Variants in IGSF5 observed in about 807,000 individuals in gnomAD.
IGSF5 encodes immunoglobulin superfamily member 5.
In IGSF5, 41 loss-of-function variants were observed where a neutral mutation model predicts 39.4. The ratio of observed to expected loss-of-function variants is 1.04; its 90% CI spans 0.81 to 1.35. IGSF5 has a LOEUF of 1.35. IGSF5 is among the 40% of genes most tolerant of loss of function. The pLI is 0.00. For missense variants in IGSF5, 487 were observed against 494.6 expected (o/e 0.98, Z 0.15); for synonymous variants, 183 against 175.3 (o/e 1.04, Z -0.34).
intron 2 of IGSF5, chr21:39,751,502 C>T (rs1180429060): frequency 6.6e-6 from 1 of 152,066 alleles, no homozygotes; most frequent in Non-Finnish European, 1.5e-5. Flanking sequence ...AAACTACAAG[C>T]GTGGGCTTCT....
At position 39,779,232 on chromosome 21, in the gene IGSF5, C is replaced by T. The variant is rs760398900; in HGVS notation, c.861C>T (p.Cys287=). ...LTPTCTLTIR[C]CCCRRRCCGC... is the part of the protein sequence containing the mutation. ...CGACGTGTACTCTTACAATACGCTG[C>T]TGCTGCTGCCGCCGTCGTTGTTGTG... is the stretch of plus-strand genomic sequence containing the variant. The change falls in exon 5 of 9, where the codon TGC becomes TGT. Residue 287 remains cysteine, a synonymous_variant. Transcript: ENST00000380588. The T allele has an allele frequency of 6.8e-6, 11 of 1,613,786 alleles. No homozygotes were observed. The highest frequency in any genetic ancestry group is 4.0e-5 in the African/African-American group (3 of 74,908).
At chr21:39,792,223 AAATT>A (rs1488683898) in intron 7 of IGSF5, 124 bp downstream of exon 7, 2 of 611,124 alleles carry the variant, frequency 3.3e-6, no homozygotes, top group Admixed American at 3.0e-5. Context: ...TTTTTTGGAT[AAATT>A]TTAGAAGAAG....
the IGSF5 span, among the ~76,000 whole-genome samples, chr21:39,721,736 A>C: frequency 6.9e-6 from 1 of 145,282 alleles, no homozygotes; most frequent in East Asian, 2.0e-4. Flanking sequence ...CCACCCACCC[A>C]TCCATTCATT....
intron 2 of IGSF5, among the ~76,000 whole-genome samples, chr21:39,758,789 G>T (rs1175526782): frequency 2.0e-5 from 3 of 152,174 alleles, no homozygotes; most frequent in African/African-American, 7.2e-5. Flanking sequence ...GGTTTGTTTA[G>T]TTTCCATTGC....
intron 8 of IGSF5, among the ~76,000 whole-genome samples, chr21:39,798,306 C>T (rs1429695712): frequency 1.3e-5 from 2 of 152,222 alleles, no homozygotes; most frequent in Non-Finnish European, 1.5e-5. Context: ...GGGTACTCAG[C>T]AATTCTGCTT....
chr21:39,791,699 G>C (rs2086966370), intron 6 of IGSF5: 1 of 268,586 alleles, frequency 3.7e-6, no homozygotes, highest in South Asian at 1.0e-4. Flanking sequence ...GTCAGATTTG[G>C]CCTGTGGGTC....
chr21:39,778,327 A>C (rs973020312), intron 4 of IGSF5, among the ~76,000 whole-genome samples: 1 of 152,170 alleles, frequency 6.6e-6, no homozygotes, highest in Non-Finnish European at 1.5e-5. Context: ...TGATCATGTG[A>C]AGCCACAACA....
the IGSF5 span, among the ~76,000 whole-genome samples, chr21:39,731,933 C>T: frequency 1.2e-4 from 19 of 152,180 alleles, no homozygotes; most frequent in African/African-American, 2.9e-4. Flanking sequence ...ATTCTAGGTT[C>T]GGGCTGCAAA....
Position 39,771,235 on chromosome 21 carries a change from T to A in IGSF5, c.718+20T>A. On this transcript the variant is annotated intron_variant, in intron 4 of 8. Coordinates refer to ENST00000380588, the MANE Select transcript of IGSF5 (RefSeq NM_001080444.2). ...CCCAAGGTAAGTGAAGACATTCTGCTTTATATGAAATGAATGATTATTTCA... is the reference window on the plus strand; with the variant it reads ...CCCAAGGTAAGTGAAGACATTCTGCATTATATGAAATGAATGATTATTTCA... 1 of 1,511,682 alleles carries A rather than the reference T, an allele frequency of 6.6e-7. No homozygotes were observed. Among genetic ancestry groups the A allele is most frequent in the Non-Finnish European group, 8.9e-7 (1 of 1,126,882 alleles). The allele number at this position is 1,511,682 out of a possible 1,614,324, so 93.6% of individuals were successfully genotyped here.
chr21:39,762,760 C>A (rs1077591), intron 2 of IGSF5, among the ~76,000 whole-genome samples: 15 of 151,506 alleles, frequency 9.9e-5, no homozygotes, highest in African/African-American at 2.7e-4. Context: ...AAAGCAGCCC[C>A]CACTATATAG....
At chr21:39,783,978 G>A (rs533010578) in intron 5 of IGSF5, among the ~76,000 whole-genome samples, 3 of 152,208 alleles carry the variant, frequency 2.0e-5, no homozygotes, top group East Asian at 3.9e-4. Flanking sequence ...TCTCAGCACC[G>A]TGTATTGAAG....
At chr21:39,746,097 A>G (rs1614870) in intron 1 of IGSF5, 119 bp from the exon 2 acceptor site, 556,668 of 677,386 alleles carry the variant, frequency 0.82, 229,826 homozygotes, top group Admixed American at 0.88. Context: ...GGAGAGAACC[A>G]TGGAAGCCAG....
intron 2 of IGSF5, among the ~76,000 whole-genome samples, chr21:39,754,333 T>C (rs62235541): frequency 0.23 from 34,968 of 152,206 alleles, 4,763 homozygotes; most frequent in Non-Finnish European, 0.32. Flanking sequence ...TTCTGGCTTA[T>C]AAGGCTTCTG....
At chr21:39,751,074 G>A (rs1419432953) in intron 2 of IGSF5, 2 of 152,826 alleles carry the variant, frequency 1.3e-5, no homozygotes, top group Non-Finnish European at 2.9e-5. Context: ...GATGATTAAT[G>A]AGGAAATACG....
chr21:39,791,271 C>G (rs1033599226), intron 6 of IGSF5, among the ~76,000 whole-genome samples: 2 of 152,194 alleles, frequency 1.3e-5, no homozygotes, highest in African/African-American at 4.8e-5. Context: ...TTTACTAGTC[C>G]TCCCTGATTG....
intron 6 of IGSF5, 112 bp downstream of exon 6, chr21:39,788,300 C>A (rs2086936534): frequency 1.2e-6 from 1 of 807,720 alleles, no homozygotes; most frequent in Non-Finnish European, 2.0e-6. Context: ...TTTATGTTAT[C>A]CAGAATTAAG....
intron 6 of IGSF5, among the ~76,000 whole-genome samples, chr21:39,788,701 G>A (rs2837219): frequency 0.26 from 39,535 of 152,128 alleles, 6,546 homozygotes; most frequent in East Asian, 0.47. Flanking sequence ...TTCATTCCCA[G>A]GCTGCCCAGA....
the IGSF5 span, among the ~76,000 whole-genome samples, chr21:39,737,933 A>G: frequency 2.0e-5 from 3 of 152,162 alleles, no homozygotes; most frequent in Non-Finnish European, 4.4e-5. Context: ...AGGTGAAAGG[A>G]GAGTGGGAGT....
the IGSF5 span, among the ~76,000 whole-genome samples, chr21:39,715,004 A>C: frequency 6.9e-6 from 1 of 144,354 alleles, no homozygotes; most frequent in African/African-American, 2.7e-5. Context: ...CTGGGCCAGG[A>C]CTCTTCCTTC....
Sources: allele counts gnomAD v4.1 joint callset (sites outside exome capture counted in the v4.1 genomes callset), GRCh38; gene constraint gnomAD v4.1.1; transcripts MANE v1.5; gene names NCBI Gene and HGNC (gene_info 2026-07-23, HGNC 2026-07-21).